The following XYLT1 variants were observed in gnomAD, a reference collection of about 807,000 sequenced individuals.
XYLT1 encodes xylosyltransferase 1.
In XYLT1, 36 loss-of-function variants were observed where a neutral mutation model predicts 91.3. That is an observed-to-expected ratio of 0.39 (90% CI 0.30 to 0.52). XYLT1 has a LOEUF of 0.52. Among genes scored for constraint, XYLT1 ranks in the 20% least tolerant of loss-of-function variants. The pLI is 0.68. For synonymous variants in XYLT1, 588 were observed against 532.0 expected (o/e 1.11, Z -1.45); for missense variants, 1,242 against 1,284.5 (o/e 0.97, Z 0.51).
chr16:17,340,317 G>A (rs556055117), intron 2 of XYLT1, among the ~76,000 whole-genome samples: 5 of 152,338 alleles, frequency 3.3e-5, no homozygotes, highest in South Asian at 2.1e-4. Context: ...TTGTATGGCC[G>A]TGGGCATGTC....
At chr16:17,122,558 T>A (rs1415067292) in intron 10 of XYLT1, among the ~76,000 whole-genome samples, 1 of 152,270 alleles carries the variant, frequency 6.6e-6, no homozygotes, top group African/African-American at 2.4e-5. Context: ...CTCTGCTGAT[T>A]ATTTCTTTTG....
chr16:17,133,044 CCCAAGGTCAATAGCTTGT>C (rs1248865406), intron 9 of XYLT1, among the ~76,000 whole-genome samples: 1 of 151,998 alleles, frequency 6.6e-6, no homozygotes, highest in Non-Finnish European at 1.5e-5. Flanking sequence ...GAATGACTTG[CCCAAGGTCAATAGCTTGT>C]AAGCAGAGTT....
chr16:17,345,199 G>A (rs968827199), intron 2 of XYLT1, among the ~76,000 whole-genome samples: 3 of 152,206 alleles, frequency 2.0e-5, no homozygotes, highest in South Asian at 2.1e-4. Context: ...TCACTCATGT[G>A]GTGACGACAC....
chr16:17,145,542 T>G (rs1292984477), intron 6 of XYLT1, among the ~76,000 whole-genome samples: 1 of 152,038 alleles, frequency 6.6e-6, no homozygotes, highest in East Asian at 1.9e-4. Flanking sequence ...AATATAGAGG[T>G]TGTCTGACAA....
At chr16:17,133,182 ACAGCCCTGCGGAAAC>A (rs1305751899) in intron 9 of XYLT1, among the ~76,000 whole-genome samples, 1 of 152,118 alleles carries the variant, frequency 6.6e-6, no homozygotes, top group Non-Finnish European at 1.5e-5. Flanking sequence ...GGACAGTGTC[ACAGCCCTGCGGAAAC>A]CTTGCTGGCC....
chr16:17,329,013 C>T (rs758394533), intron 2 of XYLT1, among the ~76,000 whole-genome samples: 1 of 152,198 alleles, frequency 6.6e-6, no homozygotes, highest in South Asian at 2.1e-4. Flanking sequence ...CACAGGCCTT[C>T]TTAGAACAGT....
chr16:17,398,519 G>C (rs1353672208), intron 1 of XYLT1, among the ~76,000 whole-genome samples: 2 of 152,128 alleles, frequency 1.3e-5, no homozygotes, highest in Non-Finnish European at 2.9e-5. Context: ...GTGAACCATG[G>C]CCCTTGGATG....
chr16:17,299,799 A>G (rs1159312416), intron 2 of XYLT1, among the ~76,000 whole-genome samples: 3 of 152,164 alleles, frequency 2.0e-5, no homozygotes, highest in Admixed American at 6.5e-5. Flanking sequence ...GTTCTTAGAG[A>G]AAAGTTTCAG....
chr16:17,326,720 G>C (rs925703387), intron 2 of XYLT1, among the ~76,000 whole-genome samples: 3 of 151,948 alleles, frequency 2.0e-5, no homozygotes, highest in Non-Finnish European at 4.4e-5. Context: ...AGCTACTTGG[G>C]AGACTGAGGC....
chr16:17,462,445 A>G (rs528610066), intron 1 of XYLT1, among the ~76,000 whole-genome samples: 154 of 152,266 alleles, frequency 1.0e-3, no homozygotes, highest in Non-Finnish European at 1.6e-3. Flanking sequence ...CTGGCTTCCA[A>G]TCGGGAAGGG....
At chr16:17,193,665 A>T (rs1465327662) in intron 5 of XYLT1, 4 of 152,116 alleles carry the variant, frequency 2.6e-5, no homozygotes, top group Non-Finnish European at 5.9e-5. Context: ...CTTGGGCACT[A>T]CCGCCCCTTT....
intron 11 of XYLT1, among the ~76,000 whole-genome samples, chr16:17,115,639 C>T (rs999489527): frequency 2.6e-5 from 4 of 151,474 alleles, no homozygotes; most frequent in East Asian, 1.9e-4. Flanking sequence ...CCACCACACT[C>T]GGCTAATTTT....
rs745712723 is a variant in XYLT1, at chr16:17,141,344, G to A, written c.1396C>T (p.Arg466Trp). Reference protein sequence around the residue: ...ARFIRKQGLDRLFLECDAHMW... With the variant: ...ARFIRKQGLDWLFLECDAHMW... ...TGAGCGTCGCACTCCAGGAAGAGCC[G>A]ATCCAGGCCCTGCTTCCGAATGAAC... Residue 466 changes from arginine (R) to tryptophan (W), a missense_variant, in exon 7 of 12, where the codon CGG (arginine) becomes TGG (tryptophan). Arg to Trp is a moderately radical substitution (Grantham distance 101). This residue lies in a region of XYLT1 where 294 missense variants were observed against 376.0 expected (regional missense o/e 0.78). Coordinates refer to ENST00000261381, the MANE Select transcript of XYLT1 (RefSeq NM_022166.4). The A allele has an allele frequency of 1.3e-5, 21 of 1,613,968 alleles. No homozygotes were observed. Among genetic ancestry groups the A allele is most frequent in the Admixed American group, 1.7e-5 (1 of 60,000 alleles).
chr16:17,279,744 G>T (rs1256485178), intron 2 of XYLT1, among the ~76,000 whole-genome samples: 1 of 152,180 alleles, frequency 6.6e-6, no homozygotes, highest in African/African-American at 2.4e-5. Flanking sequence ...CGAGAGTCAG[G>T]CTAGGCCTCC....
intron 9 of XYLT1, among the ~76,000 whole-genome samples, chr16:17,131,367 G>A (rs1002290112): frequency 3.9e-5 from 6 of 152,168 alleles, no homozygotes; most frequent in Admixed American, 2.6e-4. Flanking sequence ...CGAAGTATTC[G>A]TTTGGCCCAA....
chr16:17,291,544 C>A (rs1355640720), intron 2 of XYLT1, among the ~76,000 whole-genome samples: 1 of 152,102 alleles, frequency 6.6e-6, no homozygotes, highest in African/African-American at 2.4e-5. Flanking sequence ...ACACCCACCT[C>A]AATTTTCCCA....
At chr16:17,116,002 AT>A in intron 11 of XYLT1, among the ~76,000 whole-genome samples, 2 of 142,028 alleles carry the variant, frequency 1.4e-5, no homozygotes, top group African/African-American at 5.0e-5. Context: ...AAAAAAAGCA[AT>A]CTTACAGTAC....
intron 2 of XYLT1, among the ~76,000 whole-genome samples, chr16:17,292,035 T>G (rs148490871): frequency 6.6e-6 from 1 of 151,236 alleles, no homozygotes; most frequent in Non-Finnish European, 1.5e-5. Context: ...AAAAAACCCA[T>G]AAATAATTAG....
At chr16:17,150,425 T>C (rs1198938943) in intron 6 of XYLT1, among the ~76,000 whole-genome samples, 1 of 152,186 alleles carries the variant, frequency 6.6e-6, no homozygotes, top group East Asian at 1.9e-4. Context: ...TTAAATAAAA[T>C]GGACATCACC....
Sources: gnomAD v4.1 joint callset for allele counts (sites outside exome capture counted in the v4.1 genomes callset) on GRCh38, gnomAD v4.1.1 for gene constraint, gnomAD v4.1.1 regional missense constraint, MANE v1.5 for transcripts, NCBI Gene and HGNC (gene_info 2026-07-23, HGNC 2026-07-21) for gene names.